The following CPLANE1 variants were observed in gnomAD, a reference collection of about 807,000 sequenced individuals.
CPLANE1 encodes ciliogenesis and planar polarity effector complex subunit 1.
CPLANE1 carries 263 observed loss-of-function variants against 362.5 expected under a neutral mutation model. That is an observed-to-expected ratio of 0.73 (90% confidence interval 0.66 to 0.80). The LOEUF (loss-of-function observed/expected upper bound fraction) is 0.80, where lower values mean the gene tolerates loss of function less well. Ranked by LOEUF, CPLANE1 falls within the 30% of genes least tolerant of loss-of-function variation. CPLANE1 has a pLI of 0.00. For missense variants in CPLANE1, 3,461 were observed against 3,793.4 expected (o/e 0.91, Z 2.30); for synonymous variants, 1,212 against 1,302.6 (o/e 0.93, Z 1.50).
the CPLANE1 span, among the ~76,000 whole-genome samples, chr5:37,082,842 G>A: frequency 6.6e-6 from 1 of 151,624 alleles, no homozygotes; most frequent in African/African-American, 2.4e-5. Context: ...ACTTTAAAAA[G>A]AAACAAAGGG....
the CPLANE1 span, among the ~76,000 whole-genome samples, chr5:37,076,811 A>ATGAT: frequency 6.8e-6 from 1 of 147,952 alleles, no homozygotes; most frequent in Non-Finnish European, 1.5e-5. Context: ...CCCTTTCATA[A>ATGAT]TGATTTTCTC....
At chr5:37,248,856 T>G (rs1306018267) in intron 1 of CPLANE1, among the ~76,000 whole-genome samples, 1 of 152,216 alleles carries the variant, frequency 6.6e-6, no homozygotes, top group African/African-American at 2.4e-5. Context: ...CCTAAATCCA[T>G]TAGTCAATCT....
intron 24 of CPLANE1, among the ~76,000 whole-genome samples, chr5:37,186,065 C>T (rs1388626936): frequency 1.3e-5 from 2 of 152,186 alleles, no homozygotes; most frequent in Non-Finnish European, 2.9e-5. Context: ...CGCACAGTTA[C>T]TGACTGACAG....
At chr5:37,096,737 G>A in the CPLANE1 span, among the ~76,000 whole-genome samples, 1 of 152,018 alleles carries the variant, frequency 6.6e-6, no homozygotes, top group Non-Finnish European at 1.5e-5. Flanking sequence ...TCAAAAAGTG[G>A]GTTAAGGAAA....
At chr5:37,081,386 G>A in the CPLANE1 span, among the ~76,000 whole-genome samples, 3 of 152,152 alleles carry the variant, frequency 2.0e-5, no homozygotes, top group East Asian at 1.9e-4. Flanking sequence ...GCAGTGGTGC[G>A]ATCTCGGCTC....
intron 21 of CPLANE1, among the ~76,000 whole-genome samples, chr5:37,191,453 T>A (rs1328260817): frequency 6.6e-6 from 1 of 152,066 alleles, no homozygotes; most frequent in Admixed American, 6.6e-5. Context: ...GGTGGATCGC[T>A]TGAGCTCAGG....
chr5:37,157,673 G>C lies in CPLANE1; in HGVS notation c.8008C>G (p.Gln2670Glu). 2 of 1,611,794 alleles carry C rather than the reference G, an allele frequency of 1.2e-6. No homozygotes were observed. The highest frequency in any genetic ancestry group is 1.7e-6 in the Non-Finnish European group (2 of 1,178,904). ...TTTAAAAGTAGGAAAAAATTACCTT[G>C]ACTCTTAAAATTATGTGGGGGAACA... is the stretch of plus-strand genomic sequence containing the variant. ...NAVPPHNFKS[Q>E]EVTPACLDGK... is the part of the protein sequence containing the mutation. The change falls in exon 40 of 53, where the codon CAA (glutamine) becomes GAA (glutamate). Residue 2670 changes from glutamine to glutamate, a missense_variant. Physicochemically the swap from Gln to Glu is conservative, Grantham distance 29. Transcript: ENST00000651892.
intron 30 of CPLANE1, 185 bp from the exon 31 acceptor site, chr5:37,176,171 C>CA (rs1781108970): frequency 1.1e-5 from 5 of 460,210 alleles, no homozygotes; most frequent in East Asian, 3.4e-5. Context: ...TAAGCAAAAG[C>CA]AAAAAAATAT....
chr5:37,184,113 C>G (rs1353656018), intron 25 of CPLANE1, among the ~76,000 whole-genome samples: 1 of 152,182 alleles, frequency 6.6e-6, no homozygotes, highest in Non-Finnish European at 1.5e-5. Flanking sequence ...CTTGCATCTG[C>G]CCGCTCAGCT....
intron 30 of CPLANE1, among the ~76,000 whole-genome samples, chr5:37,176,417 C>G (rs776563474): frequency 1.3e-5 from 2 of 152,044 alleles, no homozygotes; most frequent in Non-Finnish European, 2.9e-5. Context: ...AGGCAGATCA[C>G]CTGAGCTCAG....
chr5:37,243,856 CTT>C (rs372677145), intron 5 of CPLANE1, among the ~76,000 whole-genome samples: 1 of 142,050 alleles, frequency 7.0e-6, no homozygotes. Flanking sequence ...ATATATTATA[CTT>C]TTTTTTTTTG....
chr5:37,134,500 C>CTGAT (rs1221584087), intron 46 of CPLANE1, among the ~76,000 whole-genome samples: 1 of 152,060 alleles, frequency 6.6e-6, no homozygotes, highest in Non-Finnish European at 1.5e-5. Context: ...TTGTTGTTTT[C>CTGAT]TGATTGTGCT....
rs1488843071 is a variant in CPLANE1, at chr5:37,106,355, A to C, written c.*1247T>G. The stretch of plus-strand genomic sequence containing the variant: ...AGGTTTGAATGTTTCCAACACAAAT[A>C]AATGATAAATGTTTGAGGTGATGAA... On this transcript the variant is annotated 3_prime_UTR_variant, in exon 53 of 53. Transcript: ENST00000651892. 6.3e-6 allele frequency: 1 copy of C among 158,994 alleles called. No homozygotes were observed. The highest frequency in any genetic ancestry group is 1.3e-5 in the Non-Finnish European group (1 of 74,206). 9.8% of individuals were successfully genotyped at this position (158,994 alleles called of 1,614,324 possible). A position where few individuals can be genotyped will look rare whatever the true frequency, so the allele number is the denominator to read the frequency against.
intron 19 of CPLANE1, among the ~76,000 whole-genome samples, chr5:37,199,310 G>A (rs1191718982): frequency 2.6e-5 from 4 of 152,064 alleles, no homozygotes; most frequent in Admixed American, 6.6e-5. Context: ...GTTAAAGCCC[G>A]CTACTCCAGA....
At chr5:37,144,397 T>TAAAAAA (rs1176016655) in intron 43 of CPLANE1, among the ~76,000 whole-genome samples, 1 of 67,538 alleles carries the variant, frequency 1.5e-5, no homozygotes, top group Non-Finnish European at 2.9e-5. Context: ...AGACTTTGTC[T>TAAAAAA]AAAAAAAAAA....
the CPLANE1 span, among the ~76,000 whole-genome samples, chr5:37,093,407 A>G: frequency 1.3e-5 from 2 of 152,122 alleles, no homozygotes; most frequent in African/African-American, 4.8e-5. Flanking sequence ...GGAATCAATC[A>G]ATGCATAGTT....
the CPLANE1 span, among the ~76,000 whole-genome samples, chr5:37,098,179 A>C: frequency 6.6e-6 from 1 of 151,744 alleles, no homozygotes; most frequent in Non-Finnish European, 1.5e-5. Context: ...GGATCACAAG[A>C]TCAGGAGTTC....
the CPLANE1 span, among the ~76,000 whole-genome samples, chr5:37,083,859 G>A: frequency 1.2e-4 from 19 of 152,276 alleles, no homozygotes; most frequent in African/African-American, 4.3e-4. Flanking sequence ...ACATATTTGG[G>A]GGAATAATCG....
chr5:37,105,355 T>A (rs983600477), downstream of CPLANE1, among the ~76,000 whole-genome samples: 2 of 151,872 alleles, frequency 1.3e-5, no homozygotes, highest in African/African-American at 4.8e-5. Flanking sequence ...CAAAAAACTA[T>A]CAATAAATCC....
Sources: gnomAD v4.1 joint callset for allele counts (sites outside exome capture counted in the v4.1 genomes callset) on GRCh38, gnomAD v4.1.1 for gene constraint, MANE v1.5 for transcripts, NCBI Gene and HGNC (gene_info 2026-07-23, HGNC 2026-07-21) for gene names.